Variants in SGCD observed in about 807,000 individuals in gnomAD.
SGCD encodes delta-sarcoglycan.
SGCD carries 18 observed loss-of-function variants against 36.6 expected under a neutral mutation model. The ratio of observed to expected loss-of-function variants is 0.49; its 90% CI spans 0.34 to 0.73. The LOEUF (loss-of-function observed/expected upper bound fraction) is 0.73, where lower values mean the gene tolerates loss of function less well. Ranked by LOEUF, SGCD falls within the 30% of genes least tolerant of loss-of-function variation. The probability of loss-of-function intolerance (pLI) is 0.01; values close to 1 mark genes in which losing one functional copy is unlikely to be tolerated. For synonymous variants in SGCD, 133 were observed against 130.6 expected, an observed-to-expected ratio of 1.02 and a Z score of -0.12; for missense variants, 387 against 346.7, an observed-to-expected ratio of 1.12 and a Z score of -0.92.
At chr5:156,527,642 G>A (rs1757698854) in intron 4 of SGCD, among the ~76,000 whole-genome samples, 1 of 152,264 alleles carries the variant, frequency 6.6e-6, no homozygotes, top group South Asian at 2.1e-4. Flanking sequence ...GAAAGAAGCT[G>A]GATCTGGATA....
intron 7 of SGCD, among the ~76,000 whole-genome samples, chr5:156,744,000 A>G (rs186583168): frequency 1.4e-4 from 22 of 152,278 alleles, no homozygotes; most frequent in Admixed American, 1.2e-3. Context: ...CCTGAGTACA[A>G]TGTGTTCAAG....
intron 1 of SGCD, among the ~76,000 whole-genome samples, chr5:156,096,797 G>T (rs1434905989): frequency 6.6e-6 from 1 of 152,162 alleles, no homozygotes; most frequent in East Asian, 1.9e-4. Flanking sequence ...AAAAATGGGT[G>T]CTTGGTTATA....
At chr5:156,412,952 C>T (rs537437995) in intron 3 of SGCD, among the ~76,000 whole-genome samples, 46 of 151,716 alleles carry the variant, frequency 3.0e-4, no homozygotes, top group Non-Finnish European at 5.7e-4. Flanking sequence ...CCCGCCACCG[C>T]GCCCAGCTAA....
intron 3 of SGCD, among the ~76,000 whole-genome samples, chr5:156,433,768 A>T (rs1282555631): frequency 6.6e-6 from 1 of 152,126 alleles, no homozygotes; most frequent in African/African-American, 2.4e-5. Context: ...TAGGGTAAAC[A>T]TTGTCAACAC....
intron 1 of SGCD, among the ~76,000 whole-genome samples, chr5:156,107,864 T>C (rs1020016706): frequency 1.3e-5 from 2 of 152,174 alleles, no homozygotes; most frequent in Admixed American, 1.3e-4. Context: ...TTATAATAAA[T>C]AATGTAGAAA....
intron 3 of SGCD, among the ~76,000 whole-genome samples, chr5:156,240,800 G>C (rs1765287365): frequency 6.6e-6 from 1 of 152,014 alleles, no homozygotes; most frequent in Non-Finnish European, 1.5e-5. Context: ...CAAAGTATCA[G>C]TCAGCAACAA....
chr5:155,957,827 A>T (rs1313964479), intron 1 of SGCD, among the ~76,000 whole-genome samples: 1 of 152,138 alleles, frequency 6.6e-6, no homozygotes, highest in East Asian at 1.9e-4. Flanking sequence ...CAGGTTCTGC[A>T]GGTTAGGACA....
intron 1 of SGCD, among the ~76,000 whole-genome samples, chr5:155,884,007 G>A (rs2113300938): frequency 6.6e-6 from 1 of 152,220 alleles, no homozygotes; most frequent in East Asian, 1.9e-4. Context: ...ATCATTCAAG[G>A]AAACATGCCC....
At chr5:155,857,265 A>T in the SGCD span, among the ~76,000 whole-genome samples, 2 of 152,180 alleles carry the variant, frequency 1.3e-5, no homozygotes, top group Non-Finnish European at 2.9e-5. Flanking sequence ...GAAGTTAAAC[A>T]TATATCTGCC....
At position 156,243,126 on chromosome 5, in the gene SGCD, G is replaced by T. The variant is rs543066931; in HGVS notation, c.-43-86408G>T. ...CATGGGATATTGGAGCCCACACAAGGTGATGAGCATATCTATGTGATAAAG... is the reference window on the plus strand; with the variant it reads ...CATGGGATATTGGAGCCCACACAAGTTGATGAGCATATCTATGTGATAAAG... On this transcript the variant is annotated intron_variant, in intron 3 of 9. Coordinates refer to the SGCD transcript ENST00000517913. Among the ~76,000 whole-genome samples the T allele has an allele frequency of 1.4e-4, 22 of 152,306 alleles. No homozygotes were observed. The South Asian group carries it at 4.4e-3, about 30-fold the overall frequency.
At chr5:156,119,446 G>T (rs1761980983) in intron 2 of SGCD, among the ~76,000 whole-genome samples, 1 of 152,068 alleles carries the variant, frequency 6.6e-6, no homozygotes, top group African/African-American at 2.4e-5. Flanking sequence ...CACATATTGG[G>T]AAGCATTGTT....
intron 4 of SGCD, among the ~76,000 whole-genome samples, chr5:156,583,099 A>G (rs1281513658): frequency 6.6e-6 from 1 of 152,232 alleles, no homozygotes; most frequent in African/African-American, 2.4e-5. Context: ...TAGTGTAATT[A>G]TGAACATTTT....
chr5:156,371,554 G>C (rs1770386294), intron 3 of SGCD, among the ~76,000 whole-genome samples: 1 of 152,192 alleles, frequency 6.6e-6, no homozygotes, highest in Non-Finnish European at 1.5e-5. Context: ...TGTCAGAAAT[G>C]TGCCACCCCT....
At chr5:156,290,787 T>C (rs1219047770) in intron 3 of SGCD, among the ~76,000 whole-genome samples, 1 of 152,098 alleles carries the variant, frequency 6.6e-6, no homozygotes, top group East Asian at 1.9e-4. Flanking sequence ...ATATAAAAAA[T>C]GGAAAAGAAT....
chr5:155,852,930 C>T, the SGCD span, among the ~76,000 whole-genome samples: 4 of 152,170 alleles, frequency 2.6e-5, no homozygotes, highest in African/African-American at 7.2e-5. Flanking sequence ...CAATTTTCTT[C>T]TTACTCCTCC....
chr5:155,945,750 G>A (rs537219855), intron 1 of SGCD, among the ~76,000 whole-genome samples: 1 of 152,252 alleles, frequency 6.6e-6, no homozygotes, highest in African/African-American at 2.4e-5. Context: ...ATAAGATGGG[G>A]CTGGAGAAGC....
At chr5:155,794,764 G>A in the SGCD span, among the ~76,000 whole-genome samples, 3 of 151,940 alleles carry the variant, frequency 2.0e-5, no homozygotes, top group Non-Finnish European at 4.4e-5. Context: ...AATATTCAAA[G>A]GTCTAATGGC....
intron 4 of SGCD, among the ~76,000 whole-genome samples, chr5:156,529,693 G>A (rs948697681): frequency 2.0e-5 from 3 of 152,084 alleles, no homozygotes; most frequent in African/African-American, 7.2e-5. Flanking sequence ...AATTTTTCAG[G>A]AGACACAGTT....
chr5:156,511,558 G>C (rs1224892609), intron 4 of SGCD, among the ~76,000 whole-genome samples: 1 of 152,178 alleles, frequency 6.6e-6, no homozygotes, highest in South Asian at 2.1e-4. Flanking sequence ...TGCATTATTA[G>C]GTGTTTTCAT....
Sources: gnomAD v4.1 joint callset for allele counts (sites outside exome capture counted in the v4.1 genomes callset) on GRCh38, gnomAD v4.1.1 for gene constraint, MANE v1.5 for transcripts, NCBI Gene and HGNC (gene_info 2026-07-23, HGNC 2026-07-21) for gene names.